ITPR2: variants seen among roughly 807,000 people sequenced by gnomAD.
ITPR2 encodes inositol 1,4,5-trisphosphate-gated calcium channel ITPR2.
Under a neutral mutation model 317.1 loss-of-function variants are expected in ITPR2, and 207 were observed. The ratio of observed to expected loss-of-function variants is 0.65; its 90% CI spans 0.58 to 0.73. ITPR2 has a LOEUF of 0.73. Ranked by LOEUF, ITPR2 falls within the 30% of genes least tolerant of loss-of-function variation. The pLI, the probability that ITPR2 is intolerant of heterozygous loss-of-function variation, is 0.00. For missense variants in ITPR2, 2,613 were observed against 3,284.0 expected (o/e 0.80, Z 4.99); for synonymous variants, 1,156 against 1,149.1 (o/e 1.01, Z -0.12).
intron 2 of ITPR2, among the ~76,000 whole-genome samples, chr12:26,731,296 G>C (rs207472762): frequency 6.6e-6 from 1 of 152,144 alleles, no homozygotes; most frequent in Non-Finnish European, 1.5e-5. Context: ...TTCTCCCTAC[G>C]TGGAGAAAGG....
chr12:26,413,157 A>T (rs1290768648), intron 51 of ITPR2, among the ~76,000 whole-genome samples: 2 of 152,228 alleles, frequency 1.3e-5, no homozygotes, highest in African/African-American at 4.8e-5. Flanking sequence ...CTAAGACACC[A>T]ATTTTCTGAA....
intron 31 of ITPR2, among the ~76,000 whole-genome samples, chr12:26,595,865 G>A (rs1189266009): frequency 1.3e-5 from 2 of 152,118 alleles, no homozygotes; most frequent in Non-Finnish European, 1.5e-5. Context: ...GAGATACAAG[G>A]AGTCAAAAGC....
intron 37 of ITPR2, among the ~76,000 whole-genome samples, chr12:26,505,304 C>A (rs1943159764): frequency 6.6e-6 from 1 of 152,166 alleles, no homozygotes; most frequent in African/African-American, 2.4e-5. Flanking sequence ...CACAATGCAA[C>A]ACCTACAGAT....
At chr12:26,715,116 G>A (rs940461081) in intron 8 of ITPR2, among the ~76,000 whole-genome samples, 183 bp downstream of exon 8, 1 of 152,034 alleles carries the variant, frequency 6.6e-6, no homozygotes, top group Non-Finnish European at 1.5e-5. Context: ...AGAGAAGACA[G>A]GCTTAGGAAA....
At chr12:26,400,569 C>T (rs1565505844) in intron 52 of ITPR2, 1 of 157,496 alleles carries the variant, frequency 6.3e-6, no homozygotes, top group East Asian at 1.8e-4. Context: ...AGTCACACAG[C>T]ATCTGTTCCA....
intron 9 of ITPR2, among the ~76,000 whole-genome samples, chr12:26,697,817 T>C (rs532459065): frequency 6.6e-6 from 1 of 150,682 alleles, no homozygotes; most frequent in Non-Finnish European, 1.5e-5. Flanking sequence ...AATAATAATA[T>C]ATAAATACTA....
intron 22 of ITPR2, among the ~76,000 whole-genome samples, chr12:26,628,939 G>C (rs979422732): frequency 7.9e-5 from 12 of 152,180 alleles, no homozygotes; most frequent in African/African-American, 2.9e-4. Context: ...TCAAAGGAGA[G>C]GTTTTTACAT....
intron 1 of ITPR2, among the ~76,000 whole-genome samples, chr12:26,819,157 A>G (rs1950902239): frequency 6.6e-6 from 1 of 152,216 alleles, no homozygotes; most frequent in South Asian, 2.1e-4. Context: ...ATTTGTACAT[A>G]TCTATATTTC....
intron 45 of ITPR2, among the ~76,000 whole-genome samples, chr12:26,468,406 G>A (rs1197833359): frequency 6.6e-6 from 1 of 152,106 alleles, no homozygotes; most frequent in Admixed American, 6.5e-5. Context: ...ATTATGGACT[G>A]CCAGAATGCT....
At chr12:26,595,818 G>A (rs1433780671) in intron 31 of ITPR2, among the ~76,000 whole-genome samples, 1 of 152,152 alleles carries the variant, frequency 6.6e-6, no homozygotes, top group African/African-American at 2.4e-5. Flanking sequence ...CCATTGCTGT[G>A]AGAAAGAACT....
At chr12:26,452,323 A>T (rs1941761795) in intron 45 of ITPR2, among the ~76,000 whole-genome samples, 1 of 152,164 alleles carries the variant, frequency 6.6e-6, no homozygotes, top group Non-Finnish European at 1.5e-5. Context: ...AAAAGCATAC[A>T]AGAGAAATGT....
At chr12:26,729,092 T>C (rs1948985305) in intron 2 of ITPR2, among the ~76,000 whole-genome samples, 1 of 152,076 alleles carries the variant, frequency 6.6e-6, no homozygotes. Flanking sequence ...CAATTGCTTT[T>C]GGAACTTAAA....
intron 2 of ITPR2, among the ~76,000 whole-genome samples, chr12:26,737,464 A>G (rs997061435): frequency 5.3e-5 from 8 of 152,128 alleles, no homozygotes; most frequent in African/African-American, 1.9e-4. Context: ...CATGTTGGAC[A>G]GGCTGGTCTC....
intron 48 of ITPR2, among the ~76,000 whole-genome samples, chr12:26,428,600 A>G (rs901516958): frequency 6.6e-6 from 1 of 152,158 alleles, no homozygotes; most frequent in Non-Finnish European, 1.5e-5. Context: ...ATACATAGAT[A>G]TGTGTATGAG....
intron 1 of ITPR2, among the ~76,000 whole-genome samples, chr12:26,818,709 T>C (rs946905866): frequency 1.3e-5 from 2 of 152,136 alleles, no homozygotes; most frequent in Non-Finnish European, 2.9e-5. Flanking sequence ...TTTTTTTTTT[T>C]ACCTTCCCTA....
chr12:26,611,031 T>A (rs550076194), intron 26 of ITPR2, among the ~76,000 whole-genome samples: 2 of 152,314 alleles, frequency 1.3e-5, no homozygotes, highest in South Asian at 4.1e-4. Context: ...AGTAACTACC[T>A]ATGGGGCAAG....
chr12:26,775,933 C>CATATATATATATATGTATAT lies in ITPR2; in HGVS notation c.163+14204_163+14223dup, dbSNP rs1949956408. 2.3e-5 allele frequency among the ~76,000 whole-genome samples: 2 copies of CATATATATATATATGTATAT among 85,392 alleles called. 1 individual carries two copies. Among genetic ancestry groups the CATATATATATATATGTATAT allele is most frequent in the Non-Finnish European group, 6.6e-5 (2 of 30,396 alleles). 56.0% of individuals were successfully genotyped at this position (85,392 alleles called of 152,430 possible). A position where few individuals can be genotyped will look rare whatever the true frequency, so the allele number is the denominator to read the frequency against. ...ATACCACTTAATAAACTCCCCTTTA[C>CATATATATATATATGTATAT]ATATATATATATATGTATATGTATA... is the stretch of plus-strand genomic sequence containing the variant. On this transcript the variant is annotated intron_variant, in intron 2 of 56. Coordinates refer to ENST00000381340, the MANE Select transcript of ITPR2 (RefSeq NM_002223.4).
At chr12:26,578,904 T>C in intron 33 of ITPR2, 71 bp from the exon 34 acceptor site, 1 of 1,440,680 alleles carries the variant, frequency 6.9e-7, no homozygotes, top group South Asian at 1.4e-5. Context: ...CATCTATGCA[T>C]TCTCAGAAAG....
At chr12:26,798,395 C>T (rs894230391) in intron 1 of ITPR2, among the ~76,000 whole-genome samples, 1 of 152,146 alleles carries the variant, frequency 6.6e-6, no homozygotes, top group African/African-American at 2.4e-5. Flanking sequence ...CCTTCACTAG[C>T]GCCCTCTGAC....
Sources: allele counts gnomAD v4.1 joint callset (sites outside exome capture counted in the v4.1 genomes callset), GRCh38; gene constraint gnomAD v4.1.1; transcripts MANE v1.5; gene names NCBI Gene and HGNC (gene_info 2026-07-23, HGNC 2026-07-21).